Variants in MAFF observed in about 807,000 individuals in gnomAD.
The protein encoded by MAFF is MAF bZIP transcription factor F, also known as transcription factor MafF.
Under a neutral mutation model 2.7 loss-of-function variants are expected in MAFF, and 4 were observed. The observed-to-expected ratio is 1.48, with a 90% CI of 0.73 to 3.39. The LOEUF (loss-of-function observed/expected upper bound fraction) is 3.39, where lower values mean the gene tolerates loss of function less well. Ranked by LOEUF, MAFF falls within the 30% of genes most tolerant of loss-of-function variation. MAFF has a pLI of 0.01. For synonymous variants in MAFF, 113 were observed against 119.4 expected (o/e 0.95, Z 0.35); for missense variants, 190 against 246.6 (o/e 0.77, Z 1.54).
chr22:38,213,676 G>T, intron 1 of MAFF, 147 bp from the exon 2 acceptor site: 1 of 709,528 alleles, frequency 1.4e-6, no homozygotes. Context: ...AAGGAGGCCT[G>T]TGGACCAATG....
chr22:38,207,943 G>A (rs1267819293), intron 1 of MAFF, among the ~76,000 whole-genome samples: 1 of 152,180 alleles, frequency 6.6e-6, no homozygotes, highest in Non-Finnish European at 1.5e-5. Flanking sequence ...CCAGGTTTCA[G>A]TCCTGGGCCT....
rs138794722 is a variant in MAFF, at chr22:38,210,453, G to A, written c.-31-3370G>A. On this transcript the variant is annotated intron_variant, in intron 1 of 2. Coordinates refer to ENST00000338483, the MANE Select transcript of MAFF (RefSeq NM_012323.4). ...TGAGTATCTGCGAGGTGCCAGGCGC[G>A]GTTCTAGGCATGGGGGAGGCCGCGG... 3.8e-4 allele frequency among the ~76,000 whole-genome samples: 58 copies of A among 152,268 alleles called. 1 individual carries two copies. Among genetic ancestry groups the A allele is most frequent in the African/African-American group, 1.3e-3 (55 of 41,538 alleles).
At chr22:38,210,464 TG>T (rs1466337723) in intron 1 of MAFF, among the ~76,000 whole-genome samples, 2 of 152,036 alleles carry the variant, frequency 1.3e-5, no homozygotes, top group Admixed American at 6.6e-5. Context: ...GTTCTAGGCA[TG>T]GGGGAGGCCG....
intron 1 of MAFF, among the ~76,000 whole-genome samples, chr22:38,210,240 G>C (rs2091087910): frequency 6.6e-6 from 1 of 152,210 alleles, no homozygotes. Flanking sequence ...CTGCTTAAGG[G>C]CCACAGTGGC....
chr22:38,214,942 A>G lies in MAFF; in HGVS notation c.*64A>G. The G allele has an allele frequency of 8.1e-7, 1 of 1,241,968 alleles. No individual in the cohort carries two copies. Among genetic ancestry groups the G allele is most frequent in the Non-Finnish European group, 1.1e-6 (1 of 881,068 alleles). 76.9% of individuals were successfully genotyped at this position (1,241,968 alleles called of 1,614,324 possible). ...CTCAGCTCCCTCCCCAAAGTGCCTG[A>G]GCGCCGCCTCTGTGCCCAGGTCCCA... On this transcript the variant is annotated 3_prime_UTR_variant, in exon 3 of 3. Coordinates refer to ENST00000338483, the MANE Select transcript of MAFF (RefSeq NM_012323.4). The surrounding 1 kb of genome is among the most constrained non-coding windows in gnomAD (Gnocchi z 6.3).
At chr22:38,208,236 C>T (rs755870494) in intron 1 of MAFF, among the ~76,000 whole-genome samples, 5 of 152,162 alleles carry the variant, frequency 3.3e-5, no homozygotes, top group Admixed American at 6.5e-5. Context: ...CAAAACCCTG[C>T]GAGGCAGGTA....
At chr22:38,206,330 C>T (rs2091051115) in intron 1 of MAFF, among the ~76,000 whole-genome samples, 1 of 139,694 alleles carries the variant, frequency 7.2e-6, no homozygotes, top group Admixed American at 7.9e-5. Flanking sequence ...ATCTTTCTTG[C>T]CTATGCCTCC....
In MAFF at chr22:38,214,224, C is replaced by A. The variant is rs1348547168; in HGVS notation, c.37-196C>A. 2.0e-5 allele frequency among the ~76,000 whole-genome samples: 3 copies of A among 152,268 alleles called. No homozygotes were observed. Among genetic ancestry groups the A allele is most frequent in the Admixed American group, 1.3e-4 (2 of 15,290 alleles). ...GCGCTAGGTTAGAATTCAGGCTGAG[C>A]CCCGGGGTGGCCTCCTTTTGTGTCC... is the stretch of plus-strand genomic sequence containing the variant. On this transcript the variant is annotated intron_variant, in intron 2 of 2. Coordinates refer to ENST00000338483, the MANE Select transcript of MAFF (RefSeq NM_012323.4). This position sits in a 1 kb window ranked among gnomAD's most constrained non-coding sequence, Gnocchi z 6.3.
rs114861837 is a variant in MAFF at position 38,204,411 on chromosome 22, G to A, written c.-32+2199G>A. 9.1e-3 allele frequency among the ~76,000 whole-genome samples: 1,386 copies of A among 152,310 alleles called. 30 individuals carry two copies. Among genetic ancestry groups the A allele is most frequent in the African/African-American group, 0.032 (1,318 of 41,554 alleles). On this transcript the variant is annotated intron_variant, in intron 1 of 2. Coordinates refer to ENST00000338483, the MANE Select transcript of MAFF (RefSeq NM_012323.4). Reference sequence around the variant, plus strand: ...GAGTCTGATAGAGTGGTGGTTGTCTGTGAAGCCCTTGAAGGCAGGAGCTGT... The same window carrying A: ...GAGTCTGATAGAGTGGTGGTTGTCTATGAAGCCCTTGAAGGCAGGAGCTGT...
chr22:38,210,161 G>GGCCCTGA (rs1341250515), intron 1 of MAFF, among the ~76,000 whole-genome samples: 2 of 152,172 alleles, frequency 1.3e-5, no homozygotes, highest in Non-Finnish European at 2.9e-5. Context: ...AAGCTGCCTG[G>GGCCCTGA]GTCCTGACCT....
intron 1 of MAFF, among the ~76,000 whole-genome samples, chr22:38,209,829 A>G (rs945402653): frequency 1.3e-5 from 2 of 149,664 alleles, no homozygotes; most frequent in Non-Finnish European, 2.9e-5. Flanking sequence ...AAAAAAAAAA[A>G]AAAAAAGGGA....
chr22:38,205,864 G>A (rs2146011351), intron 1 of MAFF, among the ~76,000 whole-genome samples: 1 of 152,352 alleles, frequency 6.6e-6, no homozygotes, highest in South Asian at 2.1e-4. Context: ...CCCCTGGCCT[G>A]GGGTTGGCAG....
intron 1 of MAFF, among the ~76,000 whole-genome samples, chr22:38,204,550 A>G (rs988502380): frequency 3.3e-5 from 5 of 152,164 alleles, no homozygotes; most frequent in African/African-American, 1.2e-4. Flanking sequence ...TAAGAGCTCC[A>G]CAACACATGG....
At position 38,214,512 on chromosome 22, in the gene MAFF, G is replaced by C; in HGVS notation, c.129G>C (p.Gly43=). Reference sequence around the variant, plus strand: ...GCGAGCTGAACCGGCATCTGCGCGGGCTCTCCGCCGAGGAGGTGACACGGC... The same window carrying C: ...GCGAGCTGAACCGGCATCTGCGCGGCCTCTCCGCCGAGGAGGTGACACGGC... The part of the protein sequence containing the change: ...SVRELNRHLR[G]LSAEEVTRLK... Residue 43 remains glycine, a synonymous_variant, in exon 3 of 3, where the codon GGG becomes GGC. Transcript: ENST00000338483. The surrounding 1 kb of genome is among the most constrained non-coding windows in gnomAD (Gnocchi z 6.3). The C allele has an allele frequency of 1.2e-6, 2 of 1,610,364 alleles. No individual in the cohort carries two copies. The highest frequency in any genetic ancestry group is 8.5e-7 in the Non-Finnish European group (1 of 1,179,652).
At position 38,216,370 on chromosome 22, in the gene MAFF, G is replaced by C. The variant is rs774258642; in HGVS notation, c.*1492G>C. On this transcript the variant is annotated 3_prime_UTR_variant, in exon 3 of 3. Transcript: ENST00000338483. ...AGCCTGGGCAACATAGCAAAATCCTGTCTCAAAAAAAAAGTTAAAAAATAT... is the reference window on the plus strand; with the variant it reads ...AGCCTGGGCAACATAGCAAAATCCTCTCTCAAAAAAAAAGTTAAAAAATAT... 3 of 165,948 alleles carry C rather than the reference G, an allele frequency of 1.8e-5. No homozygotes were observed. The highest frequency in any genetic ancestry group is 4.4e-5 in the Non-Finnish European group (3 of 68,024). The allele number at this position is 165,948 out of a possible 1,614,324, so 10.3% of individuals were successfully genotyped here.
chr22:38,210,010 C>G (rs895561505), intron 1 of MAFF, among the ~76,000 whole-genome samples: 2 of 152,058 alleles, frequency 1.3e-5, no homozygotes, highest in South Asian at 4.1e-4. Flanking sequence ...AGGGCCTGAG[C>G]CCCCTAGGAT....
In MAFF at chr22:38,202,109, C is replaced by T. The variant is rs1389718455; in HGVS notation, c.-135C>T. ...GCCCGGTTCAGAGCGACCTGCGGCTCAGAGCGGAGGGGAGACTGACCGGAG... is the reference window on the plus strand; with the variant it reads ...GCCCGGTTCAGAGCGACCTGCGGCTTAGAGCGGAGGGGAGACTGACCGGAG... On this transcript the variant is annotated 5_prime_UTR_variant, in exon 1 of 3. Coordinates refer to ENST00000338483, the MANE Select transcript of MAFF (RefSeq NM_012323.4). This position sits in a 1 kb window ranked among gnomAD's most constrained non-coding sequence, Gnocchi z 7.4. 6.6e-6 allele frequency: 1 copy of T among 152,280 alleles called. No homozygotes were observed. The highest frequency in any genetic ancestry group is 6.5e-5 in the Admixed American group (1 of 15,286). 9.4% of individuals were successfully genotyped at this position (152,280 alleles called of 1,614,324 possible). A position where few individuals can be genotyped will look rare whatever the true frequency, so the allele number is the denominator to read the frequency against.
intron 1 of MAFF, among the ~76,000 whole-genome samples, chr22:38,213,368 G>A (rs780839128): frequency 6.6e-6 from 1 of 152,158 alleles, no homozygotes; most frequent in Non-Finnish European, 1.5e-5. Context: ...TGATGCCGTG[G>A]TGAGACAGGG....
chr22:38,213,107 G>A (rs1276697125), intron 1 of MAFF, among the ~76,000 whole-genome samples: 1 of 150,954 alleles, frequency 6.6e-6, no homozygotes, highest in African/African-American at 2.4e-5. Flanking sequence ...AACACGGGAG[G>A]CGGAGGTTGC....
Sources: allele counts gnomAD v4.1 joint callset (sites outside exome capture counted in the v4.1 genomes callset), GRCh38; gene constraint gnomAD v4.1.1; non-coding constraint Gnocchi (gnomAD v3.1); transcripts MANE v1.5; gene names NCBI Gene and HGNC (gene_info 2026-07-23, HGNC 2026-07-21).